Variants in ITIH2 observed in about 807,000 individuals in gnomAD.
ITIH2 encodes inter-alpha-trypsin inhibitor heavy chain 2.
In ITIH2, 103 loss-of-function variants were observed where a neutral mutation model predicts 104.4. That is an observed-to-expected ratio of 0.99 (90% confidence interval 0.84 to 1.16). ITIH2 has a LOEUF of 1.16. Ranked by LOEUF, ITIH2 falls within the 50% of genes most tolerant of loss-of-function variation. ITIH2 has a pLI of 0.00. For synonymous variants in ITIH2, 436 were observed against 435.4 expected, an observed-to-expected ratio of 1.00 and a Z score of -0.02; for missense variants, 1,108 against 1,162.4, an observed-to-expected ratio of 0.95 and a Z score of 0.68.
Position 7,723,456 on chromosome 10 carries a change from T to G in ITIH2, c.873T>G (p.Phe291Leu). 1.9e-6 allele frequency: 3 copies of G among 1,598,704 alleles called. No homozygotes were observed. Among genetic ancestry groups the G allele is most frequent in the Non-Finnish European group, 2.6e-6 (3 of 1,166,020 alleles). The change falls in exon 9 of 21, where the codon TTT (phenylalanine) becomes TTG (leucine). Residue 291 changes from phenylalanine to leucine, a missense_variant. Phe to Leu is a conservative substitution (Grantham distance 22). Transcript: ENST00000358415. ...REEKAGELEVFNGYFVHFFAP... is the reference protein window; with the variant it reads ...REEKAGELEVLNGYFVHFFAP... ...AAATACCTTCTATTTTTCAGGTGTTTAATGGATATTTTGTCCACTTCTTTG... is the reference window on the plus strand; with the variant it reads ...AAATACCTTCTATTTTTCAGGTGTTGAATGGATATTTTGTCCACTTCTTTG...
At position 7,735,049 on chromosome 10, in the gene ITIH2, A is replaced by C. The variant is rs1835040960; in HGVS notation, c.1915A>C (p.Met639Leu). The C allele has an allele frequency of 6.2e-7, 1 of 1,612,368 alleles. No individual in the cohort carries two copies. The highest frequency in any genetic ancestry group is 8.5e-7 in the Non-Finnish European group (1 of 1,180,000). The change falls in exon 15 of 21, where the codon ATG becomes CTG. Residue 639 changes from methionine to leucine, a missense_variant. Transcript: ENST00000358415. ...VIENEAGDER[M>L]LADAPPQDPS... ...CGAGAACGAGGCTGGGGATGAGCGC[A>C]TGCTGGCGGATGCCCCACCGCAGGA...
intron 5 of ITIH2, 117 bp downstream of exon 5, chr10:7,713,402 AC>A (rs1340562741): frequency 4.2e-6 from 3 of 706,562 alleles, no homozygotes; most frequent in Non-Finnish European, 7.3e-6. Context: ...GCCAATGGCA[AC>A]CTCCTCAGAG....
chr10:7,705,318 C>T, intron 2 of ITIH2, 136 bp downstream of exon 2: 1 of 676,614 alleles, frequency 1.5e-6, no homozygotes, highest in Admixed American at 2.5e-5. Context: ...AGACTTCTTA[C>T]ACCTTGGTGG....
chr10:7,717,843 C>T (rs1230426275), intron 6 of ITIH2, 55 bp downstream of exon 6: 2 of 1,531,512 alleles, frequency 1.3e-6, no homozygotes, highest in Non-Finnish European at 1.8e-6. Flanking sequence ...AGTCTCTGAC[C>T]CTGATTTATA....
chr10:7,727,505 T>C (rs1023005745), intron 10 of ITIH2, among the ~76,000 whole-genome samples, 198 bp from the exon 11 acceptor site: 1 of 152,224 alleles, frequency 6.6e-6, no homozygotes, highest in Non-Finnish European at 1.5e-5. Context: ...GATAGTTTAT[T>C]TCAAAGTGAA....
At chr10:7,749,091 T>C in intron 20 of ITIH2, 96 bp from the exon 21 acceptor site, 1 of 1,256,226 alleles carries the variant, frequency 8.0e-7, no homozygotes. Flanking sequence ...GCAGATGTGG[T>C]GACAGAAGGA....
intron 16 of ITIH2, among the ~76,000 whole-genome samples, chr10:7,741,900 C>T (rs1452886872): frequency 6.6e-6 from 1 of 152,212 alleles, no homozygotes; most frequent in Non-Finnish European, 1.5e-5. Flanking sequence ...AATAAAATCT[C>T]TTCCTCCTTA....
chr10:7,720,801 TA>T, intron 6 of ITIH2, 54 bp from the exon 7 acceptor site: 2 of 1,142,972 alleles, frequency 1.7e-6, no homozygotes, highest in South Asian at 1.3e-5. Context: ...ACTTCTTGCT[TA>T]AAAAGACTTT....
chr10:7,743,135 A>G lies in ITIH2; in HGVS notation c.2096-11A>G, dbSNP rs1273852039. 4.0e-6 allele frequency: 5 copies of G among 1,259,478 alleles called. No homozygotes were observed. Among genetic ancestry groups the G allele is most frequent in the East Asian group, 4.8e-5 (2 of 41,590 alleles). 78.0% of individuals were successfully genotyped at this position (1,259,478 alleles called of 1,614,324 possible). A position where few individuals can be genotyped will look rare whatever the true frequency, so the allele number is the denominator to read the frequency against. ...ATGATTTTGTTTACGTTTTCTTTGT[A>G]TATTTTCCAGTTGAAAATGACCCAC... On this transcript the variant is annotated splice_polypyrimidine_tract_variant and intron_variant, in intron 16 of 20. Transcript: ENST00000358415.
intron 14 of ITIH2, among the ~76,000 whole-genome samples, chr10:7,734,310 G>C (rs150097923): frequency 6.6e-6 from 1 of 152,196 alleles, no homozygotes; most frequent in Non-Finnish European, 1.5e-5. Context: ...ATGGGGGACC[G>C]TGTGTATGCA....
In ITIH2 at chr10:7,746,620, A is replaced by G. The variant is rs756501592; in HGVS notation, c.2609A>G (p.His870Arg). 1 of 1,613,506 alleles carries G rather than the reference A, an allele frequency of 6.2e-7. No individual in the cohort carries two copies. Among genetic ancestry groups the G allele is most frequent in the Non-Finnish European group, 8.5e-7 (1 of 1,179,496 alleles). The change falls in exon 20 of 21, where the codon CAC becomes CGC. Residue 870 changes from histidine (H) to arginine (R), a missense_variant. Physicochemically the swap from His to Arg is conservative, Grantham distance 29 (BLOSUM62 0). Transcript: ENST00000358415. ...CAGTTCATGCAGGAACCAAAGATAC[A>G]CATCTTCAATGAGAGACCAGGAAAG... Reference protein sequence around the residue: ...IGQFMQEPKIHIFNERPGKDP... With the variant: ...IGQFMQEPKIRIFNERPGKDP...
At chr10:7,716,453 C>G (rs1355280158) in intron 5 of ITIH2, among the ~76,000 whole-genome samples, 4 of 152,048 alleles carry the variant, frequency 2.6e-5, no homozygotes, top group Non-Finnish European at 2.9e-5. Flanking sequence ...AAAACATACT[C>G]AGGCCAGGTG....
chr10:7,720,756 A>C, intron 6 of ITIH2, 100 bp from the exon 7 acceptor site: 1 of 707,224 alleles, frequency 1.4e-6, no homozygotes, highest in East Asian at 2.7e-5. Flanking sequence ...AAACCTGCGG[A>C]GGAGAAAAGC....
At chr10:7,714,165 A>ATTTTTTTTTTTTTT (rs996413668) in intron 5 of ITIH2, among the ~76,000 whole-genome samples, 15 of 84,030 alleles carry the variant, frequency 1.8e-4, no homozygotes, top group African/African-American at 5.6e-4. Context: ...CACACTCACT[A>ATTTTTTTTTTTTTT]TTTTTTTTTT....
intron 12 of ITIH2, 100 bp from the exon 13 acceptor site, chr10:7,731,707 AGAGT>A: frequency 4.8e-6 from 4 of 840,356 alleles, no homozygotes; most frequent in Non-Finnish European, 7.0e-6. Context: ...CCTGGGCAAC[AGAGT>A]GAGACATCGT....
chr10:7,747,078 G>A (rs188414191), intron 20 of ITIH2, among the ~76,000 whole-genome samples: 1 of 152,236 alleles, frequency 6.6e-6, no homozygotes, highest in South Asian at 2.1e-4. Context: ...CATCAGGCTA[G>A]AGTTTTCCTT....
At chr10:7,745,688 G>A (rs1429578137) in intron 19 of ITIH2, among the ~76,000 whole-genome samples, 1 of 151,970 alleles carries the variant, frequency 6.6e-6, no homozygotes, top group Admixed American at 6.5e-5. Flanking sequence ...GGAGGCTGCA[G>A]TGAGCTATGA....
Position 7,709,999 on chromosome 10 carries a change from A to G in ITIH2, c.362+808A>G, listed in dbSNP as rs1019019898. Among the ~76,000 whole-genome samples, 6 of 152,110 alleles carry G rather than the reference A, an allele frequency of 3.9e-5. No individual in the cohort carries two copies. In the South Asian group the frequency reaches 1.2e-3, roughly 32 times the overall value. ...CTCCTGAGTAGCTGGGACTACAGGCACCCGCCACCATGCCTGGCTAATTTT... is the reference window on the plus strand; with the variant it reads ...CTCCTGAGTAGCTGGGACTACAGGCGCCCGCCACCATGCCTGGCTAATTTT... On this transcript the variant is annotated intron_variant, in intron 4 of 20. Coordinates refer to ENST00000358415, the MANE Select transcript of ITIH2 (RefSeq NM_002216.3).
chr10:7,738,507 G>A (rs931543415), intron 15 of ITIH2, 114 bp from the exon 16 acceptor site: 5 of 1,233,878 alleles, frequency 4.1e-6, no homozygotes, highest in Admixed American at 1.9e-5. Context: ...AAACAGAGGA[G>A]AAAAACCTAA....
Sources: gnomAD v4.1 joint callset for allele counts (sites outside exome capture counted in the v4.1 genomes callset) on GRCh38, gnomAD v4.1.1 for gene constraint, MANE v1.5 for transcripts, NCBI Gene and HGNC (gene_info 2026-07-23, HGNC 2026-07-21) for gene names.